Variants in EFL1 observed in about 807,000 individuals in gnomAD.
The protein encoded by EFL1 is elongation factor-like GTPase 1.
A neutral mutation model predicts 126.7 loss-of-function variants in EFL1; 76 were observed. The observed-to-expected ratio is 0.60, with a 90% CI of 0.50 to 0.73. EFL1 has a LOEUF of 0.73. Among genes scored for constraint, EFL1 ranks in the 30% least tolerant of loss-of-function variants. The pLI is 0.00. For missense variants in EFL1, 1,128 were observed against 1,343.2 expected, an observed-to-expected ratio of 0.84 and a Z score of 2.50; for synonymous variants, 410 against 448.4, an observed-to-expected ratio of 0.91 and a Z score of 1.08.
chr15:82,251,908 T>C (rs1014431456), intron 4 of EFL1, among the ~76,000 whole-genome samples: 1 of 152,242 alleles, frequency 6.6e-6, no homozygotes, highest in African/African-American at 2.4e-5. Context: ...AAGTGCAAGT[T>C]TCTCCATAAT....
chr15:82,259,054 A>C (rs1019304751), intron 3 of EFL1, 34 bp downstream of exon 3: 6 of 1,579,344 alleles, frequency 3.8e-6, no homozygotes, highest in Non-Finnish European at 5.2e-6. Flanking sequence ...GCTAATACTG[A>C]AATGCAACAA....
At chr15:82,139,918 T>C (rs1228628597) in intron 18 of EFL1, among the ~76,000 whole-genome samples, 1 of 152,200 alleles carries the variant, frequency 6.6e-6, no homozygotes, top group African/African-American at 2.4e-5. Context: ...AACTAGAAAC[T>C]GACGACACAA....
chr15:82,261,369 C>G (rs977258138), intron 2 of EFL1, among the ~76,000 whole-genome samples: 1 of 152,112 alleles, frequency 6.6e-6, no homozygotes, highest in African/African-American at 2.4e-5. Context: ...GGATCACATA[C>G]CACAGACTCT....
At chr15:82,149,786 G>T (rs1359252661) in intron 18 of EFL1, among the ~76,000 whole-genome samples, 4 of 152,138 alleles carry the variant, frequency 2.6e-5, no homozygotes, top group Non-Finnish European at 2.9e-5. Context: ...TTGGAAACTA[G>T]CAGGTGACAG....
chr15:82,162,343 A>G (rs1005310851), intron 16 of EFL1, among the ~76,000 whole-genome samples: 1 of 152,246 alleles, frequency 6.6e-6, no homozygotes, highest in African/African-American at 2.4e-5. Context: ...TTTAAAATGT[A>G]TGTGCAAATG....
At chr15:82,183,144 C>T (rs1378201828) in intron 15 of EFL1, among the ~76,000 whole-genome samples, 2 of 152,206 alleles carry the variant, frequency 1.3e-5, no homozygotes, top group Admixed American at 6.5e-5. Flanking sequence ...AATTTTACCA[C>T]AGAAGCCCTC....
chr15:82,151,668 T>TC lies in EFL1; in HGVS notation c.2785dup (p.Glu929GlyfsTer8), dbSNP rs1473242125. The stretch of plus-strand genomic sequence containing the variant: ...GGCCTCAGAGCAGCCATCTTGTAGC[T>TC]CTTGGTTTTCATTTCCACCAGAACA... On this transcript the variant is annotated frameshift_variant, in exon 18 of 20. Coordinates refer to ENST00000268206, the MANE Select transcript of EFL1 (RefSeq NM_024580.6). LOFTEE classifies it high-confidence loss of function. 6.2e-7 allele frequency: 1 copy of TC among 1,614,156 alleles called. No individual in the cohort carries two copies. The highest frequency in any genetic ancestry group is 1.7e-5 in the Admixed American group (1 of 60,016).
At chr15:82,241,119 T>C (rs2074926511) in intron 5 of EFL1, 151 bp downstream of exon 5, 10 of 838,148 alleles carry the variant, frequency 1.2e-5, no homozygotes, top group Non-Finnish European at 1.6e-5. Flanking sequence ...TTCAGAACTC[T>C]GGTGATTTAA....
intron 15 of EFL1, among the ~76,000 whole-genome samples, chr15:82,202,814 ATTT>A (rs113767734): frequency 6.9e-6 from 1 of 145,632 alleles, no homozygotes; most frequent in Non-Finnish European, 1.5e-5. Flanking sequence ...GTGTTCCCTA[ATTT>A]TTTTTTTTTT....
At chr15:82,189,684 G>A (rs1278309257) in intron 15 of EFL1, among the ~76,000 whole-genome samples, 3 of 152,078 alleles carry the variant, frequency 2.0e-5, no homozygotes, top group Non-Finnish European at 2.9e-5. Flanking sequence ...TTCTTTCAAT[G>A]AGAGCCCAAG....
At position 82,219,671 on chromosome 15, in the gene EFL1, G is replaced by A. The variant is rs1401834310; in HGVS notation, c.1592C>T (p.Pro531Leu). 2.4e-5 allele frequency: 39 copies of A among 1,611,922 alleles called. No individual in the cohort carries two copies. Among genetic ancestry groups the A allele is most frequent in the Non-Finnish European group, 3.1e-5 (37 of 1,179,298 alleles). Residue 531 changes from proline to leucine, a missense_variant, in exon 14 of 20, where the codon CCT becomes CTT. Pro to Leu is a moderately conservative substitution (Grantham distance 98). This residue lies in a region of EFL1 where 120 missense variants were observed against 142.1 expected (regional missense o/e 0.84). Coordinates refer to ENST00000268206, the MANE Select transcript of EFL1 (RefSeq NM_024580.6). ...TCTTACCCTTCGTAAAAACTCAAGAGGACTGTATTTGGGCCCCAAGACAAA... is the reference window on the plus strand; with the variant it reads ...TCTTACCCTTCGTAAAAACTCAAGAAGACTGTATTTGGGCCCCAAGACAAA... ...KIFVLGPKYSPLEFLRRVPLG... is the reference protein window; with the variant it reads ...KIFVLGPKYSLLEFLRRVPLG...
chr15:82,181,729 G>A (rs2074254137), intron 15 of EFL1, among the ~76,000 whole-genome samples: 1 of 151,912 alleles, frequency 6.6e-6, no homozygotes, highest in African/African-American at 2.4e-5. Flanking sequence ...GTGACACTGT[G>A]CCTCCATCCC....
At chr15:82,178,073 T>A (rs1356089268) in intron 15 of EFL1, among the ~76,000 whole-genome samples, 3 of 152,210 alleles carry the variant, frequency 2.0e-5, no homozygotes, top group African/African-American at 7.2e-5. Flanking sequence ...GCCCCTTTAC[T>A]CTATCAGGGA....
chr15:82,213,546 C>T (rs2074611100), intron 15 of EFL1, among the ~76,000 whole-genome samples: 1 of 152,220 alleles, frequency 6.6e-6, no homozygotes, highest in South Asian at 2.1e-4. Context: ...GGAAAGAACA[C>T]AAGCACCAGG....
chr15:82,230,537 C>T (rs2074810159), intron 8 of EFL1, among the ~76,000 whole-genome samples: 1 of 151,814 alleles, frequency 6.6e-6, no homozygotes, highest in Non-Finnish European at 1.5e-5. Context: ...CAGGGACAAA[C>T]AAATGCACAG....
At position 82,261,796 on chromosome 15, in the gene EFL1, G is replaced by A; in HGVS notation, c.-18C>T. The A allele has an allele frequency of 6.2e-7, 1 of 1,608,656 alleles. No individual in the cohort carries two copies. The highest frequency in any genetic ancestry group is 8.5e-7 in the Non-Finnish European group (1 of 1,177,486). ...AGCACCATGATTACTTATTTCCTGT[G>A]ACTAAAAATTAAATATGTATTACAA... On this transcript the variant is annotated splice_region_variant and 5_prime_UTR_variant, in exon 2 of 20. Coordinates refer to ENST00000268206, the MANE Select transcript of EFL1 (RefSeq NM_024580.6).
intron 15 of EFL1, among the ~76,000 whole-genome samples, chr15:82,182,632 G>A (rs184212904): frequency 6.6e-6 from 1 of 152,094 alleles, no homozygotes; most frequent in Admixed American, 6.5e-5. Flanking sequence ...GACCATCCTG[G>A]CTAACACGGT....
intron 15 of EFL1, among the ~76,000 whole-genome samples, chr15:82,192,579 T>G (rs972559126): frequency 6.6e-6 from 1 of 152,188 alleles, no homozygotes; most frequent in African/African-American, 2.4e-5. Flanking sequence ...CTCACTGCTT[T>G]ATGCTTAACC....
intron 18 of EFL1, among the ~76,000 whole-genome samples, chr15:82,141,965 G>A (rs910906487): frequency 6.6e-6 from 1 of 152,154 alleles, no homozygotes; most frequent in Non-Finnish European, 1.5e-5. Context: ...GCATAGTTAT[G>A]GATCACCAAG....
Sources: gnomAD v4.1 joint callset for allele counts (sites outside exome capture counted in the v4.1 genomes callset) on GRCh38, gnomAD v4.1.1 for gene constraint, gnomAD v4.1.1 regional missense constraint, MANE v1.5 for transcripts, NCBI Gene and HGNC (gene_info 2026-07-23, HGNC 2026-07-21) for gene names.